The following PAWR variants were observed in gnomAD, a reference collection of about 807,000 sequenced individuals.
PAWR encodes the protein pro-apoptotic WT1 regulator.
In PAWR, 23 loss-of-function variants were observed where a neutral mutation model predicts 32.0. The ratio of observed to expected loss-of-function variants is 0.72; its 90% CI spans 0.52 to 1.02. The LOEUF is 1.02. Among genes scored for constraint, PAWR ranks in the 50% least tolerant of loss-of-function variants. The pLI, the probability that PAWR is intolerant of heterozygous loss-of-function variation, is 0.00. For missense variants in PAWR, 457 were observed against 437.7 expected (o/e 1.04, Z -0.39); for synonymous variants, 226 against 187.1 (o/e 1.21, Z -1.70).
At chr12:79,672,690 C>T (rs898345691) in intron 2 of PAWR, among the ~76,000 whole-genome samples, 7 of 149,466 alleles carry the variant, frequency 4.7e-5, no homozygotes, top group South Asian at 4.3e-4. Flanking sequence ...TACCCCTCAA[C>T]GAGAATCAGT....
intron 2 of PAWR, among the ~76,000 whole-genome samples, chr12:79,653,304 G>A (rs1017521176): frequency 6.6e-6 from 1 of 152,122 alleles, no homozygotes; most frequent in African/African-American, 2.4e-5. Flanking sequence ...CCAAAGTACT[G>A]GGATTACAGG....
At chr12:79,686,754 T>A (rs1358239383) in intron 2 of PAWR, among the ~76,000 whole-genome samples, 1 of 152,178 alleles carries the variant, frequency 6.6e-6, no homozygotes, top group African/African-American at 2.4e-5. Context: ...AAGATTCTCA[T>A]CCTCAATAGC....
intron 2 of PAWR, among the ~76,000 whole-genome samples, chr12:79,637,840 A>T (rs1876036069): frequency 6.6e-6 from 1 of 152,198 alleles, no homozygotes; most frequent in Admixed American, 6.5e-5. Flanking sequence ...ATCATTCTTA[A>T]TCTTAACCAA....
chr12:79,611,755 C>G (rs765527220), intron 4 of PAWR, among the ~76,000 whole-genome samples: 24 of 151,974 alleles, frequency 1.6e-4, no homozygotes, highest in Non-Finnish European at 2.5e-4. Context: ...ATGCTCTAGG[C>G]TATGAGAATA....
chr12:79,665,261 A>C (rs1337086630), intron 2 of PAWR, among the ~76,000 whole-genome samples: 2 of 152,196 alleles, frequency 1.3e-5, no homozygotes, highest in Non-Finnish European at 2.9e-5. Flanking sequence ...CTATTCTATT[A>C]AGTTCCAATC....
At position 79,591,920 on chromosome 12, in the gene PAWR, C is replaced by T. The variant is rs1191374724; in HGVS notation, c.*687G>A. 1 of 152,404 alleles carries T rather than the reference C, an allele frequency of 6.6e-6. No individual in the cohort carries two copies. Among genetic ancestry groups the T allele is most frequent in the Non-Finnish European group, 1.5e-5 (1 of 67,968 alleles). 9.4% of individuals were successfully genotyped at this position (152,404 alleles called of 1,614,324 possible). ...CATAAGAAATTTTACATTGAAATTA[C>T]AATTGTATGTTTTTCAGGAGTTAAA... On this transcript the variant is annotated 3_prime_UTR_variant, in exon 7 of 7. Coordinates refer to ENST00000328827, the MANE Select transcript of PAWR (RefSeq NM_002583.4).
intron 2 of PAWR, among the ~76,000 whole-genome samples, chr12:79,687,345 G>A (rs1308512278): frequency 1.3e-5 from 2 of 152,100 alleles, no homozygotes; most frequent in Admixed American, 6.5e-5. Context: ...AACTAGTAAA[G>A]TGAGGTAATG....
chr12:79,663,290 T>C (rs1471556449), intron 2 of PAWR, among the ~76,000 whole-genome samples: 2 of 152,216 alleles, frequency 1.3e-5, no homozygotes, highest in African/African-American at 2.4e-5. Flanking sequence ...TTTTAAGTGT[T>C]GATGCACACA....
chr12:79,617,045 G>A (rs1269819667), intron 3 of PAWR, among the ~76,000 whole-genome samples: 1 of 152,162 alleles, frequency 6.6e-6, no homozygotes, highest in African/African-American at 2.4e-5. Flanking sequence ...TTTTGAAGCT[G>A]AATGTTATTT....
rs558172120 is a variant in PAWR, at chr12:79,646,334, G to A, written c.517-25127C>T. On this transcript the variant is annotated intron_variant, in intron 2 of 6. Transcript: ENST00000328827. ...GCAACTATCCCACACCCATGGAGAT[G>A]GTTTATTCTCTGTAGATACTGAACT... 5.9e-5 allele frequency among the ~76,000 whole-genome samples: 9 copies of A among 152,192 alleles called. No homozygotes were observed. The East Asian group carries it at 1.7e-3, about 29-fold the overall frequency.
chr12:79,652,099 T>C (rs1052230439), intron 2 of PAWR, among the ~76,000 whole-genome samples: 2 of 152,056 alleles, frequency 1.3e-5, no homozygotes, highest in African/African-American at 4.8e-5. Flanking sequence ...GGTGGGAAAT[T>C]AGGAGTTATT....
chr12:79,628,827 T>C (rs1387782488), intron 2 of PAWR, among the ~76,000 whole-genome samples: 1 of 152,114 alleles, frequency 6.6e-6, no homozygotes, highest in East Asian at 1.9e-4. Context: ...TTGTGATATT[T>C]ATAACACATG....
rs1469332815 is a variant in PAWR, at chr12:79,589,842, T to C, written c.*2765A>G. On this transcript the variant is annotated 3_prime_UTR_variant, in exon 7 of 7. Coordinates refer to ENST00000328827, the MANE Select transcript of PAWR (RefSeq NM_002583.4). ...ACAAATTCCCAGGAGATTTAAGAAA[T>C]AGTATTTCTGAACAGGAATAATAAT... 3.3e-5 allele frequency: 5 copies of C among 152,176 alleles called. No individual in the cohort carries two copies. Among genetic ancestry groups the C allele is most frequent in the Admixed American group, 2.0e-4 (3 of 15,278 alleles). 9.4% of individuals were successfully genotyped at this position (152,176 alleles called of 1,614,324 possible).
chr12:79,652,804 C>T, intron 2 of PAWR, among the ~76,000 whole-genome samples: 1 of 152,106 alleles, frequency 6.6e-6, no homozygotes, highest in East Asian at 1.9e-4. Flanking sequence ...ACAAAGAGTT[C>T]TTTTCTGAAT....
At chr12:79,618,929 G>A (rs1023816495) in intron 3 of PAWR, among the ~76,000 whole-genome samples, 4 of 151,896 alleles carry the variant, frequency 2.6e-5, no homozygotes, top group Admixed American at 6.6e-5. Context: ...AAGAAATACA[G>A]TAGTCCTTTT....
rs930555130 is a variant in PAWR at position 79,586,532 on chromosome 12, G to C, written c.*6075C>G. ...ACAATGTAAATATTGTGCATTTCAA[G>C]TTCCATAGTGTGTCTAACCAGGGAT... On this transcript the variant is annotated 3_prime_UTR_variant, in exon 7 of 7. Coordinates refer to ENST00000328827, the MANE Select transcript of PAWR (RefSeq NM_002583.4). The C allele has an allele frequency of 2.0e-5, 3 of 152,278 alleles. No individual in the cohort carries two copies. The South Asian group carries it at 6.2e-4, about 32-fold the overall frequency. 9.4% of individuals were successfully genotyped at this position (152,278 alleles called of 1,614,324 possible).
At chr12:79,616,976 G>A (rs1444561468) in intron 3 of PAWR, among the ~76,000 whole-genome samples, 1 of 152,172 alleles carries the variant, frequency 6.6e-6, no homozygotes, top group African/African-American at 2.4e-5. Context: ...GCACACAGAC[G>A]ACACGAGTTT....
At chr12:79,686,904 G>A (rs2136897151) in intron 2 of PAWR, among the ~76,000 whole-genome samples, 1 of 152,074 alleles carries the variant, frequency 6.6e-6, no homozygotes, top group Middle Eastern at 3.4e-3. Flanking sequence ...CTTCTTCCTA[G>A]ATTATAGCCT....
At chr12:79,636,190 T>G (rs1455823998) in intron 2 of PAWR, among the ~76,000 whole-genome samples, 1 of 152,080 alleles carries the variant, frequency 6.6e-6, no homozygotes, top group Admixed American at 6.6e-5. Context: ...ATATAGAAAT[T>G]TAATAAGTTC....
Sources: allele counts gnomAD v4.1 joint callset (sites outside exome capture counted in the v4.1 genomes callset), GRCh38; gene constraint gnomAD v4.1.1; transcripts MANE v1.5; gene names NCBI Gene and HGNC (gene_info 2026-07-23, HGNC 2026-07-21).